NUMB: variants seen among roughly 807,000 people sequenced by gnomAD.
NUMB encodes NUMB endocytic adaptor protein, also known as protein numb homolog.
Under a neutral mutation model 59.7 loss-of-function variants are expected in NUMB, and 29 were observed. That is an observed-to-expected ratio of 0.49 (90% CI 0.36 to 0.66). The LOEUF is 0.66. Among genes scored for constraint, NUMB ranks in the 30% least tolerant of loss-of-function variants. NUMB has a pLI of 0.00. For missense variants in NUMB, 723 were observed against 822.0 expected (o/e 0.88, Z 1.47); for synonymous variants, 288 against 288.2 (o/e 1.00, Z 0.01).
intron 5 of NUMB, among the ~76,000 whole-genome samples, chr14:73,321,929 C>A (rs1891425584): frequency 6.6e-6 from 1 of 151,900 alleles, no homozygotes; most frequent in Admixed American, 6.6e-5. Flanking sequence ...AGGTATTTAT[C>A]CCAAAATTAA....
chr14:73,320,346 A>C (rs1402372495), intron 5 of NUMB, among the ~76,000 whole-genome samples: 1 of 152,182 alleles, frequency 6.6e-6, no homozygotes, highest in Non-Finnish European at 1.5e-5. Context: ...TCAAAGTTTA[A>C]AAGTTTAAGT....
chr14:73,434,430 A>G (rs1403451536), intron 1 of NUMB, among the ~76,000 whole-genome samples: 6 of 152,224 alleles, frequency 3.9e-5, no homozygotes, highest in Non-Finnish European at 8.8e-5. Flanking sequence ...GGCTGCTGCT[A>G]GTACTAATAT....
At chr14:73,293,844 A>G (rs1434336752) in intron 7 of NUMB, among the ~76,000 whole-genome samples, 1 of 152,188 alleles carries the variant, frequency 6.6e-6, no homozygotes, top group Non-Finnish European at 1.5e-5. Flanking sequence ...TCAGTGTACC[A>G]TTTTCTGTAC....
intron 4 of NUMB, among the ~76,000 whole-genome samples, chr14:73,352,499 TATATATATATATATATATATA>T (rs1893412069): frequency 8.6e-5 from 1 of 11,630 alleles, no homozygotes; most frequent in African/African-American, 5.6e-4. Flanking sequence ...TATATATATA[TATATATATATATATATATATA>T]TATATATATG....
chr14:73,417,683 A>G (rs1897189443), intron 1 of NUMB, among the ~76,000 whole-genome samples: 2 of 152,240 alleles, frequency 1.3e-5, no homozygotes, highest in Admixed American at 6.5e-5. Flanking sequence ...ATTTCTAGGT[A>G]TATACCCAAA....
At chr14:73,393,697 T>G (rs1158952131) in intron 2 of NUMB, among the ~76,000 whole-genome samples, 2 of 152,162 alleles carry the variant, frequency 1.3e-5, no homozygotes. Context: ...CCTGCCTAAA[T>G]TATTATTCTT....
intron 3 of NUMB, among the ~76,000 whole-genome samples, chr14:73,363,320 C>G (rs1318341842): frequency 6.6e-6 from 1 of 151,644 alleles, no homozygotes; most frequent in African/African-American, 2.4e-5. Context: ...AAAAAAAGCT[C>G]AGACAAAATG....
chr14:73,379,287 AT>A (rs900954317), intron 2 of NUMB, among the ~76,000 whole-genome samples: 22 of 152,204 alleles, frequency 1.4e-4, no homozygotes, highest in Non-Finnish European at 2.5e-4. Flanking sequence ...TTTAAAAATG[AT>A]TTTTAATGAA....
intron 1 of NUMB, among the ~76,000 whole-genome samples, chr14:73,438,981 C>T (rs1356858010): frequency 6.6e-6 from 1 of 152,112 alleles, no homozygotes; most frequent in Non-Finnish European, 1.5e-5. Context: ...GAATACGCAA[C>T]TTATCAAATG....
chr14:73,433,868 T>C (rs546319096), intron 1 of NUMB, among the ~76,000 whole-genome samples: 2 of 152,076 alleles, frequency 1.3e-5, no homozygotes, highest in Non-Finnish European at 2.9e-5. Flanking sequence ...GGCCGATGGA[T>C]CACCTGAGGT....
At chr14:73,392,299 A>G (rs761302603) in intron 2 of NUMB, among the ~76,000 whole-genome samples, 21 of 152,270 alleles carry the variant, frequency 1.4e-4, no homozygotes, top group Non-Finnish European at 2.1e-4. Flanking sequence ...ACTTGAGCCA[A>G]TAACTCTTTT....
chr14:73,415,929 C>A (rs1048551716), intron 1 of NUMB, among the ~76,000 whole-genome samples: 11 of 151,228 alleles, frequency 7.3e-5, no homozygotes, highest in African/African-American at 1.2e-4. Context: ...AACAGTACTA[C>A]AAAAGAAAGA....
intron 2 of NUMB, among the ~76,000 whole-genome samples, chr14:73,397,890 C>G (rs1295773927): frequency 6.9e-6 from 1 of 145,738 alleles, no homozygotes; most frequent in Non-Finnish European, 1.6e-5. Flanking sequence ...CTACTGCACT[C>G]TCCTTCTGTG....
At chr14:73,319,939 G>C (rs1383231235) in intron 5 of NUMB, among the ~76,000 whole-genome samples, 1 of 152,078 alleles carries the variant, frequency 6.6e-6, no homozygotes, top group Non-Finnish European at 1.5e-5. Flanking sequence ...AGACCACCCT[G>C]GCCAACACGG....
chr14:73,335,843 A>G (rs1436319195), intron 4 of NUMB, among the ~76,000 whole-genome samples: 1 of 152,232 alleles, frequency 6.6e-6, no homozygotes, highest in African/African-American at 2.4e-5. Flanking sequence ...ACATACATAC[A>G]TAGCCTATGC....
chr14:73,346,255 G>A (rs1272321579), intron 4 of NUMB, among the ~76,000 whole-genome samples: 9 of 151,996 alleles, frequency 5.9e-5, no homozygotes, highest in East Asian at 1.9e-4. Flanking sequence ...CGAGGTGAGC[G>A]GATCACCTGA....
intron 4 of NUMB, among the ~76,000 whole-genome samples, chr14:73,336,091 A>G (rs1269938146): frequency 1.3e-5 from 2 of 152,206 alleles, no homozygotes; most frequent in Non-Finnish European, 2.9e-5. Context: ...TAAGGTGTCC[A>G]AAAAGTGAGT....
intron 4 of NUMB, among the ~76,000 whole-genome samples, chr14:73,327,219 T>G (rs1056058701): frequency 6.6e-6 from 1 of 152,206 alleles, no homozygotes; most frequent in Non-Finnish European, 1.5e-5. Flanking sequence ...TCATACTTTC[T>G]CATTTCCTCT....
At chr14:73,299,804 G>T (rs936877633) in intron 6 of NUMB, among the ~76,000 whole-genome samples, 26 of 152,182 alleles carry the variant, frequency 1.7e-4, no homozygotes, top group African/African-American at 5.8e-4. Flanking sequence ...CACAGGCAGA[G>T]CATCAAGGGA....
Sources: gnomAD v4.1 joint callset for allele counts (sites outside exome capture counted in the v4.1 genomes callset) on GRCh38, gnomAD v4.1.1 for gene constraint, MANE v1.5 for transcripts, NCBI Gene and HGNC (gene_info 2026-07-23, HGNC 2026-07-21) for gene names.